Variants in BTBD8 observed in about 807,000 individuals in gnomAD.
The protein encoded by BTBD8 is BTB domain containing 8.
Under a neutral mutation model 162.9 loss-of-function variants are expected in BTBD8, and 110 were observed. The ratio of observed to expected loss-of-function variants is 0.68; its 90% CI spans 0.58 to 0.79. The LOEUF is 0.79. Ranked by LOEUF, BTBD8 falls within the 30% of genes least tolerant of loss-of-function variation. BTBD8 has a pLI of 0.00. For missense variants in BTBD8, 1,905 were observed against 2,085.4 expected (o/e 0.91, Z 1.68); for synonymous variants, 667 against 716.1 (o/e 0.93, Z 1.10).
intron 4 of BTBD8, among the ~76,000 whole-genome samples, chr1:92,109,463 A>G (rs569443551): frequency 6.6e-5 from 10 of 152,196 alleles, no homozygotes; most frequent in African/African-American, 2.4e-4. Context: ...CTGCCTGACA[A>G]TGAACTAACA....
chr1:92,172,269 G>A (rs959294096), intron 13 of BTBD8, among the ~76,000 whole-genome samples: 4 of 152,130 alleles, frequency 2.6e-5, no homozygotes, highest in Non-Finnish European at 5.9e-5. Context: ...ACTAGAGGGA[G>A]GGAGAAAGGG....
At position 92,088,777 on chromosome 1, in the gene BTBD8, T is replaced by A. The variant is rs1648223818; in HGVS notation, c.229T>A (p.Leu77Ile). 2 of 1,613,204 alleles carry A rather than the reference T, an allele frequency of 1.2e-6. No individual in the cohort carries two copies. The highest frequency in any genetic ancestry group is 1.3e-5 in the African/African-American group (1 of 74,912). ...TLFKAHKAVL[L>I]ARVPDFYFHT... ...GTTCAAAGCACACAAAGCAGTCCTTTTAGCAAGAGTTCCTGACTTCTATTT... is the reference window on the plus strand; with the variant it reads ...GTTCAAAGCACACAAAGCAGTCCTTATAGCAAGAGTTCCTGACTTCTATTT... The change falls in exon 2 of 18, where the codon TTA (leucine) becomes ATA (isoleucine). Residue 77 changes from leucine (L) to isoleucine (I), a missense_variant. By Grantham distance (5) the Leu-to-Ile change is conservative. Around this residue, in one of 3 missense-constraint regions of BTBD8, gnomAD observed 1,374 missense variants for 1,442.7 expected, o/e 0.95. Coordinates refer to ENST00000636805, the MANE Select transcript of BTBD8 (RefSeq NM_001376131.1).
chr1:92,181,031 G>A lies in BTBD8; in HGVS notation c.3348G>A (p.Gly1116=). 1 of 1,551,796 alleles carries A rather than the reference G, an allele frequency of 6.4e-7. No homozygotes were observed. The highest frequency in any genetic ancestry group is 8.7e-7 in the Non-Finnish European group (1 of 1,146,990). ...PVCDLDSTSA[G]QIHLISDREN... is the part of the protein sequence containing the mutation. ...GTGATTTAGACTCAACAAGTGCAGGGCAAATCCATTTGATATCAGATAGGG... is the reference window on the plus strand; with the variant it reads ...GTGATTTAGACTCAACAAGTGCAGGACAAATCCATTTGATATCAGATAGGG... Residue 1116 remains glycine, a synonymous_variant, in exon 17 of 18, where the codon GGG becomes GGA. Transcript: ENST00000636805.
intron 4 of BTBD8, chr1:92,115,597 T>C: frequency 2.6e-6 from 1 of 390,002 alleles, no homozygotes; most frequent in South Asian, 2.3e-5. Context: ...GGATTTCCAT[T>C]GATGTCAAGC....
chr1:92,174,274 C>T (rs544557), intron 13 of BTBD8, among the ~76,000 whole-genome samples: 110,059 of 152,008 alleles, frequency 0.72, 40,591 homozygotes, highest in East Asian at 0.97. Flanking sequence ...CACTGCAGCC[C>T]TGACCTTCTG....
chr1:92,175,547 C>A (rs1298372874), intron 13 of BTBD8, among the ~76,000 whole-genome samples: 1 of 149,106 alleles, frequency 6.7e-6, no homozygotes, highest in African/African-American at 2.5e-5. Flanking sequence ...GTGATCCTAG[C>A]ACTTTGGGAG....
chr1:92,122,776 G>A (rs1317412369), intron 4 of BTBD8, among the ~76,000 whole-genome samples: 2 of 151,928 alleles, frequency 1.3e-5, no homozygotes, highest in Non-Finnish European at 2.9e-5. Flanking sequence ...TGTTGGCCAG[G>A]CTGGTCTTGA....
At position 92,133,709 on chromosome 1, in the gene BTBD8, G is replaced by A. The variant is rs149413003; in HGVS notation, c.752+3933G>A. The stretch of plus-strand genomic sequence containing the variant: ...AATCTGGCCGGGCACAGTGGCTCAC[G>A]CCTGTAATCCCAGCACTTTGGGAGG... On this transcript the variant is annotated intron_variant, in intron 5 of 17. Coordinates refer to ENST00000636805, the MANE Select transcript of BTBD8 (RefSeq NM_001376131.1). Among the ~76,000 whole-genome samples, 14 of 152,320 alleles carry A rather than the reference G, an allele frequency of 9.2e-5. No individual in the cohort carries two copies. The East Asian group carries it at 2.5e-3, about 27-fold the overall frequency.
chr1:92,109,314 G>A (rs1348569856), intron 4 of BTBD8, among the ~76,000 whole-genome samples: 3 of 148,184 alleles, frequency 2.0e-5, no homozygotes, highest in East Asian at 2.0e-4. Flanking sequence ...TTGTGTCCAC[G>A]TTTTTCATGA....
At chr1:92,154,128 A>G (rs1285303392) in intron 9 of BTBD8, among the ~76,000 whole-genome samples, 1 of 152,044 alleles carries the variant, frequency 6.6e-6, no homozygotes, top group Non-Finnish European at 1.5e-5. Flanking sequence ...CTCCTCCGTT[A>G]CCTTCCACTA....
chr1:92,180,471 G>A lies in BTBD8; in HGVS notation c.2788G>A (p.Glu930Lys), dbSNP rs767845526. ...AAATCTAAATCAGTCAAAGAAAGGTGAAACTTTGAATAATAAAGATTCAAA... is the reference window on the plus strand; with the variant it reads ...AAATCTAAATCAGTCAAAGAAAGGTAAAACTTTGAATAATAAAGATTCAAA... ...PKNLNQSKKG[E>K]TLNNKDSKQK... Residue 930 changes from glutamate (E) to lysine (K), a missense_variant, in exon 17 of 18, where the codon GAA (glutamate) becomes AAA (lysine). This residue lies in a region of BTBD8 where 1,374 missense variants were observed against 1,442.7 expected (regional missense o/e 0.95). Transcript: ENST00000636805. 3.9e-5 allele frequency: 61 copies of A among 1,550,540 alleles called. No individual in the cohort carries two copies. The highest frequency in any genetic ancestry group is 5.1e-5 in the Non-Finnish European group (58 of 1,146,700).
At chr1:92,171,060 G>A (rs1650526696) in intron 12 of BTBD8, among the ~76,000 whole-genome samples, 1 of 151,530 alleles carries the variant, frequency 6.6e-6, no homozygotes. Context: ...TTTGTAATTT[G>A]GAGAACTAAA....
At chr1:92,156,425 G>A (rs1447077904) in intron 9 of BTBD8, among the ~76,000 whole-genome samples, 4 of 152,120 alleles carry the variant, frequency 2.6e-5, no homozygotes, top group Admixed American at 1.3e-4. Flanking sequence ...TCAGAGTAGT[G>A]CTGGCCTTGT....
At position 92,130,529 on chromosome 1, in the gene BTBD8, T is replaced by A. The variant is rs914576256; in HGVS notation, c.752+753T>A. On this transcript the variant is annotated intron_variant, in intron 5 of 17. Coordinates refer to ENST00000636805, the MANE Select transcript of BTBD8 (RefSeq NM_001376131.1). ...CCCTGTCTCAAAAAAAATATATATA[T>A]ATATATATTTACACACACACACACA... Among the ~76,000 whole-genome samples, 25 of 134,752 alleles carry A rather than the reference T, an allele frequency of 1.9e-4. No homozygotes were observed. The East Asian group carries it at 4.8e-3, about 26-fold the overall frequency. 88.4% of individuals were successfully genotyped at this position (134,752 alleles called of 152,430 possible).
chr1:92,108,034 T>A, intron 4 of BTBD8, 33 bp downstream of exon 4: 1 of 1,578,628 alleles, frequency 6.3e-7, no homozygotes, highest in Non-Finnish European at 8.7e-7. Flanking sequence ...CTGTCTTGGT[T>A]GTGGCTGTAG....
chr1:92,150,320 T>C (rs887708237), intron 9 of BTBD8, among the ~76,000 whole-genome samples: 1 of 152,190 alleles, frequency 6.6e-6, no homozygotes, highest in Non-Finnish European at 1.5e-5. Context: ...TTCAGAAATA[T>C]TAATAAAAAC....
At chr1:92,135,720 C>T (rs551259619) in intron 5 of BTBD8, among the ~76,000 whole-genome samples, 1 of 152,240 alleles carries the variant, frequency 6.6e-6, no homozygotes, top group South Asian at 2.1e-4. Context: ...AAAACTATTT[C>T]TTACCCTTTT....
intron 4 of BTBD8, among the ~76,000 whole-genome samples, chr1:92,116,771 A>G (rs532431521): frequency 1.3e-5 from 2 of 151,760 alleles, no homozygotes; most frequent in Non-Finnish European, 2.9e-5. Context: ...ATCCAGTCTC[A>G]TAATCTCCTT....
chr1:92,093,974 A>C (rs1044536824), intron 2 of BTBD8, among the ~76,000 whole-genome samples: 1 of 152,248 alleles, frequency 6.6e-6, no homozygotes, highest in Admixed American at 6.5e-5. Flanking sequence ...TGTTATCATT[A>C]AAAGTGATTG....
Sources: allele counts gnomAD v4.1 joint callset (sites outside exome capture counted in the v4.1 genomes callset), GRCh38; gene constraint gnomAD v4.1.1; regional missense constraint gnomAD v4.1.1; transcripts MANE v1.5; gene names NCBI Gene and HGNC (gene_info 2026-07-23, HGNC 2026-07-21).